The following ZNF853 variants were observed in gnomAD, a reference collection of about 807,000 sequenced individuals.
The protein encoded by ZNF853 is zinc finger protein 853.
A neutral mutation model predicts 94.7 loss-of-function variants in ZNF853; 57 were observed. The observed-to-expected ratio is 0.60, with a 90% CI of 0.49 to 0.75. ZNF853 has a LOEUF of 0.75. ZNF853 is among the 30% of genes least tolerant of loss of function. The pLI is 0.00. For synonymous variants in ZNF853, 448 were observed against 406.3 expected, an observed-to-expected ratio of 1.10 and a Z score of -1.23; for missense variants, 785 against 868.9, an observed-to-expected ratio of 0.90 and a Z score of 1.21.
In ZNF853 at chr7:6,621,143, G is replaced by A; in HGVS notation, c.152G>A (p.Ser51Asn). ...ACAGGTGGCAGCGGTGGGAGCGAGA[G>A]TCAGGAGGAGGAAGAGCCTCAGGAG... is the stretch of plus-strand genomic sequence containing the variant. Reference protein sequence around the residue: ...TLSGGSGGSESQEEEEPQERN... With the variant: ...TLSGGSGGSENQEEEEPQERN... Residue 51 changes from serine (S) to asparagine (N), a missense_variant, in exon 3 of 3, where the codon AGT becomes AAT. Physicochemically the swap from Ser to Asn is conservative, Grantham distance 46. Coordinates refer to ENST00000457543, the MANE Select transcript of ZNF853 (RefSeq NM_017560.3). 1.4e-6 allele frequency: 2 copies of A among 1,467,342 alleles called. No homozygotes were observed. The highest frequency in any genetic ancestry group is 2.9e-5 in the South Asian group (2 of 68,838). The allele number at this position is 1,467,342 out of a possible 1,614,324, so 90.9% of individuals were successfully genotyped here. A position where few individuals can be genotyped will look rare whatever the true frequency, so the allele number is the denominator to read the frequency against.
rs1782481227 is a variant in ZNF853 at position 6,615,627 on chromosome 7, C to CG, written c.-546dup. 1 of 144,846 alleles carries CG rather than the reference C, an allele frequency of 6.9e-6. No homozygotes were observed. The highest frequency in any genetic ancestry group is 1.5e-5 in the Non-Finnish European group (1 of 65,182). The allele number at this position is 144,846 out of a possible 1,614,324, so 9.0% of individuals were successfully genotyped here. A position where few individuals can be genotyped will look rare whatever the true frequency, so the allele number is the denominator to read the frequency against. On this transcript the variant is annotated 5_prime_UTR_variant, in exon 1 of 3. Transcript: ENST00000457543. This position sits in a 1 kb window ranked among gnomAD's most constrained non-coding sequence, Gnocchi z 8.5. ...GCGCCCCCGCCCCCGGCCCGGCCAGCGGCCCGCACGGACGCACTCCCGGGC... is the reference window on the plus strand; with the variant it reads ...GCGCCCCCGCCCCCGGCCCGGCCAGCGGGCCCGCACGGACGCACTCCCGGGC...
intron 2 of ZNF853, among the ~76,000 whole-genome samples, chr7:6,618,291 C>T: frequency 1.1e-4 from 16 of 151,056 alleles, no homozygotes; most frequent in Admixed American, 5.3e-4. Context: ...AGTGAGAGTC[C>T]GTCTCAAAAA....
rs1490360051 is a variant in ZNF853 at position 6,622,432 on chromosome 7, C to G, written c.1441C>G (p.Arg481Gly). Residue 481 changes from arginine (R) to glycine (G), a missense_variant, in exon 3 of 3, where the codon CGG becomes GGG. By Grantham distance (125) the Arg-to-Gly change is moderately radical. Transcript: ENST00000457543. ...ACGGCAGCGGCGGCGGCGGCGCGCT[C>G]GGGACCGGCCGACCATCTGCGGGGA... ...PARQRRRRRA[R>G]DRPTICGECG... 27 of 1,449,810 alleles carry G rather than the reference C, an allele frequency of 1.9e-5. No individual in the cohort carries two copies. The highest frequency in any genetic ancestry group is 3.0e-5 in the African/African-American group (2 of 66,602). 89.8% of individuals were successfully genotyped at this position (1,449,810 alleles called of 1,614,324 possible).
In ZNF853 at chr7:6,621,676, C is replaced by T; in HGVS notation, c.685C>T (p.Gln229Ter). 1 of 1,551,618 alleles carries T rather than the reference C, an allele frequency of 6.4e-7. No homozygotes were observed. Reference sequence around the variant, plus strand: ...GGAACAGTTACAGCAGCAACAGTTTCAACAGCAGCAGGAACAGTTACAGCA... The same window carrying T: ...GGAACAGTTACAGCAGCAACAGTTTTAACAGCAGCAGGAACAGTTACAGCA... ...QQEQLQQQQF[Q>*]QQQEQLQQQQ... The change falls in exon 3 of 3, where the codon CAA (glutamine) becomes TAA (stop). Residue 229 changes from glutamine to a stop codon, truncating the protein, a stop_gained. Transcript: ENST00000457543. LOFTEE classifies it high-confidence loss of function.
At chr7:6,619,589 T>A in intron 2 of ZNF853, among the ~76,000 whole-genome samples, 2 of 152,008 alleles carry the variant, frequency 1.3e-5, no homozygotes, top group African/African-American at 4.8e-5. Flanking sequence ...TTTTATTAAA[T>A]CAATATATTC....
At chr7:6,616,212 T>A in intron 1 of ZNF853, 26 bp downstream of exon 1, 1 of 1,546,960 alleles carries the variant, frequency 6.5e-7, no homozygotes, top group Non-Finnish European at 8.7e-7. Context: ...TCGTTGGCGC[T>A]GGGCAACCGG....
At chr7:6,619,095 G>C in intron 2 of ZNF853, among the ~76,000 whole-genome samples, 221 of 146,666 alleles carry the variant, frequency 1.5e-3, no homozygotes, top group Non-Finnish European at 2.7e-3. Context: ...GCTGGATTGC[G>C]GTGGCTCAAT....
At chr7:6,617,788 C>T in intron 2 of ZNF853, 2 of 306,474 alleles carry the variant, frequency 6.5e-6, no homozygotes, top group African/African-American at 2.3e-5. Flanking sequence ...TTTTTCTCTA[C>T]CTGATGCCCA....
Position 6,622,194 on chromosome 7 carries a change from G to A in ZNF853, c.1203G>A (p.Gln401=), listed in dbSNP as rs1782636181. The A allele has an allele frequency of 6.5e-7, 1 of 1,539,460 alleles. No homozygotes were observed. Residue 401 remains glutamine, a synonymous_variant, in exon 3 of 3, where the codon CAG becomes CAA. Coordinates refer to ENST00000457543, the MANE Select transcript of ZNF853 (RefSeq NM_017560.3). ...VELGAQQQEV[Q]LELTPVQPEL... Reference sequence around the variant, plus strand: ...TAGGCGCCCAGCAGCAGGAGGTGCAGCTGGAGCTGACCCCCGTGCAGCCGG... The same window carrying A: ...TAGGCGCCCAGCAGCAGGAGGTGCAACTGGAGCTGACCCCCGTGCAGCCGG...
chr7:6,619,320 G>A, intron 2 of ZNF853, among the ~76,000 whole-genome samples: 1 of 151,990 alleles, frequency 6.6e-6, no homozygotes, highest in Non-Finnish European at 1.5e-5. Flanking sequence ...TCGCTGGGCT[G>A]GAGTGCACTG....
In ZNF853 at chr7:6,623,590, G is replaced by A. The variant is rs962607069; in HGVS notation, c.*619G>A. On this transcript the variant is annotated 3_prime_UTR_variant, in exon 3 of 3. Coordinates refer to ENST00000457543, the MANE Select transcript of ZNF853 (RefSeq NM_017560.3). Reference sequence around the variant, plus strand: ...ACAGGGTCAGAGCGCTCACCGGGTCGATGTGCAAATCCAAGCCAGGAAGTC... The same window carrying A: ...ACAGGGTCAGAGCGCTCACCGGGTCAATGTGCAAATCCAAGCCAGGAAGTC... 1 of 363,812 alleles carries A rather than the reference G, an allele frequency of 2.7e-6. No homozygotes were observed. Among genetic ancestry groups the A allele is most frequent in the Non-Finnish European group, 4.9e-6 (1 of 204,622 alleles). The allele number at this position is 363,812 out of a possible 1,614,324, so 22.5% of individuals were successfully genotyped here.
Position 6,621,576 on chromosome 7 carries a change from G to C in ZNF853, c.585G>C (p.Gln195His). Residue 195 changes from glutamine to histidine, a missense_variant, in exon 3 of 3, where the codon CAG (glutamine) becomes CAC (histidine). By Grantham distance (24) the Gln-to-His change is conservative (BLOSUM62 0). Coordinates refer to ENST00000457543, the MANE Select transcript of ZNF853 (RefSeq NM_017560.3). ...TATTGCAGCAGCAGGAACAGCTACAGCAGCAAGTGCAAGAGCAACAGCTGT... is the reference window on the plus strand; with the variant it reads ...TATTGCAGCAGCAGGAACAGCTACACCAGCAAGTGCAAGAGCAACAGCTGT... ...QQVLQQQEQL[Q>H]QQVQEQQLLQ... 1.3e-6 allele frequency: 2 copies of C among 1,551,652 alleles called. No homozygotes were observed. Among genetic ancestry groups the C allele is most frequent in the South Asian group, 1.2e-5 (1 of 84,052 alleles).
In ZNF853 at chr7:6,616,019, C is replaced by G; in HGVS notation, c.-156C>G. The G allele has an allele frequency of 3.2e-6, 2 of 633,760 alleles. No individual in the cohort carries two copies. Among genetic ancestry groups the G allele is most frequent in the Non-Finnish European group, 5.4e-6 (2 of 368,582 alleles). 39.3% of individuals were successfully genotyped at this position (633,760 alleles called of 1,614,324 possible). On this transcript the variant is annotated 5_prime_UTR_variant, in exon 1 of 3. Coordinates refer to ENST00000457543, the MANE Select transcript of ZNF853 (RefSeq NM_017560.3). ...CGGCAGCCCAGAGGGCGTGGACCCT[C>G]CGGAGTGCCCAGAAAGCCCCCGGGG...
In ZNF853 at chr7:6,623,168, A is replaced by G. The variant is rs1583431343; in HGVS notation, c.*197A>G. 2.0e-6 allele frequency: 1 copy of G among 496,708 alleles called. No individual in the cohort carries two copies. Among genetic ancestry groups the G allele is most frequent in the East Asian group, 3.5e-5 (1 of 28,442 alleles). The allele number at this position is 496,708 out of a possible 1,614,324, so 30.8% of individuals were successfully genotyped here. A position where few individuals can be genotyped will look rare whatever the true frequency, so the allele number is the denominator to read the frequency against. On this transcript the variant is annotated 3_prime_UTR_variant, in exon 3 of 3. Coordinates refer to ENST00000457543, the MANE Select transcript of ZNF853 (RefSeq NM_017560.3). ...GTTCACAGATTTCACCGCCAGAAAAATCCATCCGCCAAAAGAGAAGTGGAC... is the reference window on the plus strand; with the variant it reads ...GTTCACAGATTTCACCGCCAGAAAAGTCCATCCGCCAAAAGAGAAGTGGAC...
Position 6,623,472 on chromosome 7 carries a change from C to T in ZNF853, c.*501C>T, listed in dbSNP as rs564440311. 4.3e-5 allele frequency: 17 copies of T among 397,810 alleles called. No homozygotes were observed. In the Admixed American group the frequency reaches 7.5e-4, roughly 18 times the overall value. 24.6% of individuals were successfully genotyped at this position (397,810 alleles called of 1,614,324 possible). ...GTAGAAACTGACCAAGGCATCGAAT[C>T]GTCCTCAGAGGCATTTGCCTTGAAA... is the stretch of plus-strand genomic sequence containing the variant. On this transcript the variant is annotated 3_prime_UTR_variant, in exon 3 of 3. Transcript: ENST00000457543.
At chr7:6,619,870 T>C in intron 2 of ZNF853, among the ~76,000 whole-genome samples, 1 of 151,540 alleles carries the variant, frequency 6.6e-6, no homozygotes, top group Non-Finnish European at 1.5e-5. Flanking sequence ...CCCAGGTTTA[T>C]GCCTCCCAAA....
At chr7:6,621,079 C>T in intron 2 of ZNF853, 43 bp from the exon 3 acceptor site, 2 of 1,460,476 alleles carry the variant, frequency 1.4e-6, no homozygotes, top group East Asian at 2.5e-5. Context: ...AGAGAGCTTC[C>T]TGTAGATCTT....
Position 6,622,841 on chromosome 7 carries a change from G to A in ZNF853, c.1850G>A (p.Arg617His). 1.3e-6 allele frequency: 2 copies of A among 1,516,614 alleles called. No homozygotes were observed. Among genetic ancestry groups the A allele is most frequent in the Non-Finnish European group, 8.8e-7 (1 of 1,136,244 alleles). The allele number at this position is 1,516,614 out of a possible 1,614,324, so 93.9% of individuals were successfully genotyped here. A position where few individuals can be genotyped will look rare whatever the true frequency, so the allele number is the denominator to read the frequency against. ...AAGGTGCAGATCCGCCGCCACGAGCGCCAGCTGCACGGCGCGGGCCGCTCC... is the reference window on the plus strand; with the variant it reads ...AAGGTGCAGATCCGCCGCCACGAGCACCAGCTGCACGGCGCGGGCCGCTCC... ...RHKVQIRRHE[R>H]QLHGAGRSRG... is the part of the protein sequence containing the mutation. The change falls in exon 3 of 3, where the codon CGC (arginine) becomes CAC (histidine). Residue 617 changes from arginine (R) to histidine (H), a missense_variant. Transcript: ENST00000457543.
rs1782524776 is a variant in ZNF853 at position 6,617,263 on chromosome 7, T to G, written c.86T>G (p.Leu29Arg). 1 of 1,524,904 alleles carries G rather than the reference T, an allele frequency of 6.6e-7. No individual in the cohort carries two copies. The highest frequency in any genetic ancestry group is 8.8e-7 in the Non-Finnish European group (1 of 1,133,008). 94.5% of individuals were successfully genotyped at this position (1,524,904 alleles called of 1,614,324 possible). A position where few individuals can be genotyped will look rare whatever the true frequency, so the allele number is the denominator to read the frequency against. ...GCCACCGAGACCTTCGTGCTGGAACTTCAATGTCTTGAGGATGGGGGCCCA... is the reference window on the plus strand; with the variant it reads ...GCCACCGAGACCTTCGTGCTGGAACGTCAATGTCTTGAGGATGGGGGCCCA... ...GPATETFVLELQCLEDGGPGP... is the reference protein window; with the variant it reads ...GPATETFVLERQCLEDGGPGP... The change falls in exon 2 of 3, where the codon CTT becomes CGT. Residue 29 changes from leucine (L) to arginine (R), a missense_variant. Transcript: ENST00000457543.
Sources: allele counts gnomAD v4.1 joint callset (sites outside exome capture counted in the v4.1 genomes callset), GRCh38; gene constraint gnomAD v4.1.1; non-coding constraint Gnocchi (gnomAD v3.1); transcripts MANE v1.5; gene names NCBI Gene and HGNC (gene_info 2026-07-23, HGNC 2026-07-21).